Variants in LOXL4 observed in about 807,000 individuals in gnomAD.
The protein encoded by LOXL4 is lysyl oxidase homolog 4.
Under a neutral mutation model 89.1 loss-of-function variants are expected in LOXL4, and 72 were observed. The observed-to-expected ratio is 0.81, with a 90% CI of 0.67 to 0.98. The LOEUF is 0.98. Ranked by LOEUF, LOXL4 falls within the 50% of genes least tolerant of loss-of-function variation. The pLI is 0.00. For synonymous variants in LOXL4, 355 were observed against 392.1 expected, an observed-to-expected ratio of 0.91 and a Z score of 1.12; for missense variants, 984 against 1,017.5, an observed-to-expected ratio of 0.97 and a Z score of 0.45.
rs1282303384 is a variant in LOXL4 at position 98,248,377 on chromosome 10, CAGAGTG to C, written c.*538_*543del. 6.5e-6 allele frequency: 1 copy of C among 153,694 alleles called. No individual in the cohort carries two copies. Among genetic ancestry groups the C allele is most frequent in the African/African-American group, 2.4e-5 (1 of 41,444 alleles). 9.5% of individuals were successfully genotyped at this position (153,694 alleles called of 1,614,324 possible). On this transcript the variant is annotated 3_prime_UTR_variant, in exon 15 of 15. Transcript: ENST00000260702. ...AGATAAAGGTAAGGACACTAAAGAA[CAGAGTG>C]TGAGAGGTGAGTTCTAAATAACAAC...
At position 98,253,714 on chromosome 10, in the gene LOXL4, A is replaced by G; in HGVS notation, c.1674T>C (p.Cys558=). ...TGGAGAGGCAGTTCTCCTCGTGGGC[A>G]CAATACAGCTGGCTGAGCGGGCGGT... ...LEDRPLSQLY[C]AHEENCLSKS... The change falls in exon 11 of 15, where the codon TGT becomes TGC. Residue 558 remains cysteine (C), a synonymous_variant. Transcript: ENST00000260702. 1.2e-6 allele frequency: 2 copies of G among 1,614,246 alleles called. No individual in the cohort carries two copies. Among genetic ancestry groups the G allele is most frequent in the South Asian group, 1.1e-5 (1 of 91,086 alleles).
chr10:98,259,516 T>G (rs1858480588), intron 4 of LOXL4, 87 bp from the exon 5 acceptor site: 1 of 1,142,406 alleles, frequency 8.8e-7, no homozygotes, highest in Non-Finnish European at 1.3e-6. Context: ...GTCCTTAAGT[T>G]TGCACAGGAC....
rs760639841 is a variant in LOXL4 at position 98,252,985 on chromosome 10, T to A, written c.1836-517A>T. Among the ~76,000 whole-genome samples, 131 of 152,364 alleles carry A rather than the reference T, an allele frequency of 8.6e-4. 2 individuals are homozygous for A. Among genetic ancestry groups the A allele is most frequent in the Non-Finnish European group, 1.4e-3 (92 of 68,028 alleles). On this transcript the variant is annotated intron_variant, in intron 11 of 14. Coordinates refer to ENST00000260702, the MANE Select transcript of LOXL4 (RefSeq NM_032211.7). Reference sequence around the variant, plus strand: ...TCCACTTTCTCCACCCGTGGCTATGTTCTGAAGAAGAAAAAACAATTCTGC... The same window carrying A: ...TCCACTTTCTCCACCCGTGGCTATGATCTGAAGAAGAAAAAACAATTCTGC...
In LOXL4 at chr10:98,257,429, A is replaced by T. The variant is rs796822165; in HGVS notation, c.1260+221T>A. Among the ~76,000 whole-genome samples the T allele has an allele frequency of 8.5e-5, 13 of 152,048 alleles. No individual in the cohort carries two copies. In the South Asian group the frequency reaches 1.0e-3, roughly 12 times the overall value. On this transcript the variant is annotated intron_variant, in intron 8 of 14. Transcript: ENST00000260702. ...TTCTCAGCTTCACAGGGGACCCGAG[A>T]CGGGTATGGGAGAGCACATCCATCT...
In LOXL4 at chr10:98,253,747, G is replaced by A. The variant is rs1460805231; in HGVS notation, c.1641C>T (p.Tyr547=). ...MNAQLVQETA[Y]LEDRPLSQLY... ...GCTGGCTGAGCGGGCGGTCCTCCAA[G>A]TAGGCCGTCTCCTGCACTAGCTGGG... is the stretch of plus-strand genomic sequence containing the variant. Residue 547 remains tyrosine, a synonymous_variant, in exon 11 of 15, where the codon TAC becomes TAT. Coordinates refer to ENST00000260702, the MANE Select transcript of LOXL4 (RefSeq NM_032211.7). 6.2e-7 allele frequency: 1 copy of A among 1,614,118 alleles called. No individual in the cohort carries two copies. The highest frequency in any genetic ancestry group is 1.3e-5 in the African/African-American group (1 of 74,944).
At chr10:98,258,199 G>T (rs1202099038) in intron 6 of LOXL4, 35 bp from the exon 7 acceptor site, 8 of 1,581,660 alleles carry the variant, frequency 5.1e-6, no homozygotes, top group Non-Finnish European at 6.9e-6. Context: ...GACGGCTGAG[G>T]AGGAGGCACC....
Position 98,254,388 on chromosome 10 carries a change from A to G in LOXL4, c.1592-592T>C, listed in dbSNP as rs561062141. Among the ~76,000 whole-genome samples, 53 of 152,306 alleles carry G rather than the reference A, an allele frequency of 3.5e-4. 1 individual carries two copies. Among genetic ancestry groups the G allele is most frequent in the African/African-American group, 1.3e-3 (53 of 41,586 alleles). ...GCCCTGCCACACCACTGACCACAGCATGCATGCCACCTGGGCAGGCCGGCC... is the reference window on the plus strand; with the variant it reads ...GCCCTGCCACACCACTGACCACAGCGTGCATGCCACCTGGGCAGGCCGGCC... On this transcript the variant is annotated intron_variant, in intron 10 of 14. Transcript: ENST00000260702.
intron 10 of LOXL4, among the ~76,000 whole-genome samples, chr10:98,255,174 C>T (rs1195761626): frequency 2.0e-5 from 3 of 152,182 alleles, no homozygotes; most frequent in Non-Finnish European, 4.4e-5. Flanking sequence ...ATGTCCTCTA[C>T]GACAGCTTTC....
intron 1 of LOXL4, among the ~76,000 whole-genome samples, 193 bp downstream of exon 1, chr10:98,267,939 G>A (rs570954426): frequency 1.3e-5 from 2 of 152,280 alleles, no homozygotes; most frequent in African/African-American, 2.4e-5. Flanking sequence ...CCCCAGCGTG[G>A]TCACTTGTCC....
In LOXL4 at chr10:98,262,732, C is replaced by T. The variant is rs1858579884; in HGVS notation, c.277+11G>A. ...TCCTTGCCATCCCACTAGGTGGCAC[C>T]AGTCACTCACCCTCCCCTTGGCCGT... On this transcript the variant is annotated intron_variant, in intron 2 of 14. Transcript: ENST00000260702. 1.2e-6 allele frequency: 2 copies of T among 1,607,312 alleles called. No homozygotes were observed. Among genetic ancestry groups the T allele is most frequent in the Middle Eastern group, 3.4e-4 (2 of 5,958 alleles).
chr10:98,262,510 A>G (rs548394103), intron 2 of LOXL4, among the ~76,000 whole-genome samples: 5 of 152,296 alleles, frequency 3.3e-5, no homozygotes, highest in East Asian at 3.9e-4. Context: ...CTGTGTGCCA[A>G]TTGCTATGTT....
chr10:98,253,161 A>G (rs1000366683), intron 11 of LOXL4, among the ~76,000 whole-genome samples: 6 of 152,342 alleles, frequency 3.9e-5, no homozygotes, highest in Middle Eastern at 6.8e-3. Context: ...CTTTTCCTGC[A>G]GAGCCAGCAC....
chr10:98,261,554 C>G (rs1858542716), intron 3 of LOXL4, among the ~76,000 whole-genome samples: 1 of 152,304 alleles, frequency 6.6e-6, no homozygotes, highest in East Asian at 1.9e-4. Flanking sequence ...AACCCCCAAC[C>G]CTAGCCCTGG....
At position 98,253,612 on chromosome 10, in the gene LOXL4, G is replaced by T; in HGVS notation, c.1776C>A (p.Gly592=). 6.2e-7 allele frequency: 1 copy of T among 1,614,274 alleles called. No individual in the cohort carries two copies. The highest frequency in any genetic ancestry group is 8.5e-7 in the Non-Finnish European group (1 of 1,180,054). ...LRFSTQIYNL[G]RTDFRPKTGR... is the part of the protein sequence containing the mutation. ...CAGTCTTTGGACGAAAGTCAGTCCG[G>T]CCCAGATTGTAGATCTGTGTGGAGA... is the stretch of plus-strand genomic sequence containing the variant. The change falls in exon 11 of 15, where the codon GGC becomes GGA. Residue 592 remains glycine (G), a synonymous_variant. Transcript: ENST00000260702.
Position 98,251,131 on chromosome 10 carries a change from T to C in LOXL4, c.2134A>G (p.Asn712Asp). The C allele has an allele frequency of 2.5e-6, 4 of 1,614,136 alleles. No homozygotes were observed. The highest frequency in any genetic ancestry group is 3.4e-6 in the Non-Finnish European group (4 of 1,180,012). ...TTGCAGCGGCACTGCAGCATATTGT[T>C]GGAGAAATCTGACTCTGCCACTTCA... ...HYEVAESDFSNNMLQCRCKYD... is the reference protein window; with the variant it reads ...HYEVAESDFSDNMLQCRCKYD... The change falls in exon 14 of 15, where the codon AAC becomes GAC. Residue 712 changes from asparagine to aspartate, a missense_variant. Asn to Asp is a conservative substitution (Grantham distance 23). Coordinates refer to ENST00000260702, the MANE Select transcript of LOXL4 (RefSeq NM_032211.7).
chr10:98,260,824 T>G (rs1423819832), intron 4 of LOXL4, 98 bp downstream of exon 4: 5 of 1,300,168 alleles, frequency 3.8e-6, no homozygotes, highest in African/African-American at 1.5e-5. Flanking sequence ...CTCAGACTCA[T>G]GCACACACCC....
At chr10:98,249,067 AC>A (rs1858116833) in intron 14 of LOXL4, 76 bp from the exon 15 acceptor site, 1 of 1,128,148 alleles carries the variant, frequency 8.9e-7, no homozygotes, top group Non-Finnish European at 1.3e-6. Context: ...ACATAGATCC[AC>A]TCTGCCCAGC....
In LOXL4 at chr10:98,252,280, A is replaced by T; in HGVS notation, c.1951+73T>A. ...TGGGCTGCTGAACAGGGCAGAGAGA[A>T]AGCCTGATCCCAAAGGGGCTGAAGA... On this transcript the variant is annotated intron_variant, in intron 12 of 14. Transcript: ENST00000260702. 2.5e-6 allele frequency: 3 copies of T among 1,193,024 alleles called. No homozygotes were observed. The Admixed American group carries it at 5.4e-5, about 21-fold the overall frequency. 73.9% of individuals were successfully genotyped at this position (1,193,024 alleles called of 1,614,324 possible).
chr10:98,258,192 G>A lies in LOXL4; in HGVS notation c.922-28C>T, dbSNP rs370595888. On this transcript the variant is annotated intron_variant, in intron 6 of 14. Transcript: ENST00000260702. ...GCTGGGAGAAACCTGCTTCAGGGAC[G>A]GCTGAGGAGGAGGCACCAGCAGGGG... The A allele has an allele frequency of 9.8e-5, 156 of 1,589,070 alleles. No homozygotes were observed. In the African/African-American group the frequency reaches 1.3e-3, roughly 13 times the overall value.
Sources: allele counts gnomAD v4.1 joint callset (sites outside exome capture counted in the v4.1 genomes callset), GRCh38; gene constraint gnomAD v4.1.1; transcripts MANE v1.5; gene names NCBI Gene and HGNC (gene_info 2026-07-23, HGNC 2026-07-21).